The following SDK2 variants were observed in gnomAD, a reference collection of about 807,000 sequenced individuals.
SDK2 encodes the protein protein sidekick-2.
Under a neutral mutation model 253.9 loss-of-function variants are expected in SDK2, and 105 were observed. The observed-to-expected ratio is 0.41, with a 90% CI of 0.35 to 0.49. The LOEUF is 0.49. SDK2 is among the 20% of genes least tolerant of loss of function. The pLI is 0.06. For missense variants in SDK2, 2,608 were observed against 3,003.0 expected (o/e 0.87, Z 3.07); for synonymous variants, 1,249 against 1,234.9 (o/e 1.01, Z -0.24).
Position 73,337,891 on chromosome 17 carries a change from C to T in SDK2, c.*696G>A, listed in dbSNP as rs772111276. 3 of 152,352 alleles carry T rather than the reference C, an allele frequency of 2.0e-5. No individual in the cohort carries two copies. The highest frequency in any genetic ancestry group is 7.2e-5 in the African/African-American group (3 of 41,458). 9.4% of individuals were successfully genotyped at this position (152,352 alleles called of 1,614,324 possible). The stretch of plus-strand genomic sequence containing the variant: ...CAATATTTTAAAAAATATGCAGGAA[C>T]AAGGAAGGCGCTAAGCAAATTCTCA... On this transcript the variant is annotated 3_prime_UTR_variant, in exon 45 of 45. Coordinates refer to ENST00000392650, the MANE Select transcript of SDK2 (RefSeq NM_001144952.2).
intron 30 of SDK2, 78 bp downstream of exon 30, chr17:73,387,758 C>T (rs2062885017): frequency 1.5e-6 from 2 of 1,343,872 alleles, no homozygotes; most frequent in Non-Finnish European, 2.0e-6. Flanking sequence ...TCAGAAGGCC[C>T]CCTACCCAGT....
chr17:73,414,811 C>G lies in SDK2; in HGVS notation c.2369-52G>C, dbSNP rs1461737164. On this transcript the variant is annotated intron_variant, in intron 17 of 44. Coordinates refer to ENST00000392650, the MANE Select transcript of SDK2 (RefSeq NM_001144952.2). ...GGTGGAGGGGGCCCAGTCAGTCTCT[C>G]TTGCCCAGTTCAGTAGAGAAAACGC... The G allele has an allele frequency of 5.1e-6, 6 of 1,182,012 alleles. No individual in the cohort carries two copies. The Admixed American group carries it at 1.0e-4, about 20-fold the overall frequency. 73.2% of individuals were successfully genotyped at this position (1,182,012 alleles called of 1,614,324 possible). A position where few individuals can be genotyped will look rare whatever the true frequency, so the allele number is the denominator to read the frequency against.
At chr17:73,584,441 G>A (rs545839660) in intron 1 of SDK2, among the ~76,000 whole-genome samples, 2 of 152,318 alleles carry the variant, frequency 1.3e-5, no homozygotes, top group Admixed American at 6.5e-5. Context: ...CCTGATGCCC[G>A]GGTATAGGAT....
intron 1 of SDK2, among the ~76,000 whole-genome samples, chr17:73,628,800 C>T (rs781678093): frequency 1.7e-4 from 26 of 152,306 alleles, no homozygotes; most frequent in Non-Finnish European, 2.4e-4. Context: ...CTGGGGCACA[C>T]GAGAGGAAGT....
intron 21 of SDK2, among the ~76,000 whole-genome samples, chr17:73,400,809 A>G (rs1043950438): frequency 3.3e-5 from 5 of 151,918 alleles, no homozygotes; most frequent in Non-Finnish European, 5.9e-5. Context: ...ATGCACCACC[A>G]CAGCTGGCTA....
chr17:73,473,532 G>A (rs2063666631), intron 2 of SDK2, among the ~76,000 whole-genome samples: 1 of 152,204 alleles, frequency 6.6e-6, no homozygotes, highest in Non-Finnish European at 1.5e-5. Context: ...ATCTCTAGAT[G>A]TGCCAACCCT....
rs1166543723 is a variant in SDK2 at position 73,572,294 on chromosome 17, T to C, written c.65-64697A>G. The stretch of plus-strand genomic sequence containing the variant: ...TTCCCTCCCTCCCCACTTTGTCCTA[T>C]CCCCTACCTGCCGTGAGGGCTCAGT... On this transcript the variant is annotated intron_variant, in intron 1 of 44. Coordinates refer to ENST00000392650, the MANE Select transcript of SDK2 (RefSeq NM_001144952.2). Among the ~76,000 whole-genome samples the C allele has an allele frequency of 3.3e-5, 5 of 152,140 alleles. No individual in the cohort carries two copies. In the South Asian group the frequency reaches 6.2e-4, roughly 19 times the overall value.
intron 40 of SDK2, among the ~76,000 whole-genome samples, chr17:73,355,174 A>ATATATATATATATTT: frequency 2.1e-5 from 1 of 47,240 alleles, no homozygotes. Flanking sequence ...ATATATATAT[A>ATATATATATATATTT]TTTTTTTTTT....
chr17:73,504,738 A>C (rs1021633915), intron 2 of SDK2, among the ~76,000 whole-genome samples: 7 of 150,480 alleles, frequency 4.7e-5, no homozygotes, highest in Non-Finnish European at 1.0e-4. Flanking sequence ...AGTTTTCAAA[A>C]GGGGAAATAT....
Position 73,348,665 on chromosome 17 carries a change from G to GTATTTGGTGA in SDK2, c.6089_6098dup (p.Asn2034HisfsTer28), listed in dbSNP as rs2062507191. ...TGCTCTCTGCAGGGATGAGGTCGTT[G>GTATTTGGTGA]TATTTGGTGACATCCTCATCCGAGT... On this transcript the variant is annotated frameshift_variant, in exon 44 of 45. Coordinates refer to ENST00000392650, the MANE Select transcript of SDK2 (RefSeq NM_001144952.2). LOFTEE classifies it high-confidence loss of function. The GTATTTGGTGA allele has an allele frequency of 6.2e-7, 1 of 1,612,550 alleles. No individual in the cohort carries two copies. Among genetic ancestry groups the GTATTTGGTGA allele is most frequent in the African/African-American group, 1.3e-5 (1 of 74,930 alleles).
chr17:73,555,849 C>G (rs1051938784), intron 1 of SDK2, among the ~76,000 whole-genome samples: 1 of 152,214 alleles, frequency 6.6e-6, no homozygotes, highest in Non-Finnish European at 1.5e-5. Context: ...ACTCCAAACA[C>G]CTGGGGAGGT....
chr17:73,598,715 C>G (rs1035566537), intron 1 of SDK2, among the ~76,000 whole-genome samples: 3 of 152,198 alleles, frequency 2.0e-5, no homozygotes, highest in Admixed American at 6.5e-5. Context: ...AGCCCATCCC[C>G]CTCCAGGGAC....
intron 1 of SDK2, among the ~76,000 whole-genome samples, chr17:73,536,144 A>G (rs2044768674): frequency 6.6e-6 from 1 of 152,186 alleles, no homozygotes; most frequent in Non-Finnish European, 1.5e-5. Context: ...GTTAGACCAC[A>G]GAGGTGCAGG....
intron 44 of SDK2, among the ~76,000 whole-genome samples, chr17:73,347,771 C>G (rs1025662705): frequency 8.4e-6 from 1 of 118,840 alleles, no homozygotes; most frequent in Non-Finnish European, 1.9e-5. Context: ...TTGGAATACA[C>G]ACAGCCCCTT....
chr17:73,415,069 A>G (rs113009254), intron 17 of SDK2, among the ~76,000 whole-genome samples: 1,700 of 151,698 alleles, frequency 0.011, 33 homozygotes, highest in African/African-American at 0.039. Context: ...TCTACTTAAC[A>G]TGAAATTCAC....
At position 73,338,161 on chromosome 17, in the gene SDK2, AG is replaced by A; in HGVS notation, c.*425del. 3.0e-6 allele frequency: 1 copy of A among 329,008 alleles called. No homozygotes were observed. The highest frequency in any genetic ancestry group is 5.9e-6 in the Non-Finnish European group (1 of 168,450). The allele number at this position is 329,008 out of a possible 1,614,324, so 20.4% of individuals were successfully genotyped here. On this transcript the variant is annotated 3_prime_UTR_variant, in exon 45 of 45. Transcript: ENST00000392650. This position sits in a 1 kb window ranked among gnomAD's most constrained non-coding sequence, Gnocchi z 5.0. ...TGCAGAGAGCAGCGGCAGTGGGTCC[AG>A]GGGTCCTGGAGGGGCTGGAAGGGGG... is the stretch of plus-strand genomic sequence containing the variant.
chr17:73,358,723 C>CCG (rs2062614686), intron 39 of SDK2, among the ~76,000 whole-genome samples: 2 of 152,050 alleles, frequency 1.3e-5, no homozygotes, highest in African/African-American at 4.8e-5. Context: ...GATATGATGT[C>CCG]CGCCCTCCCT....
intron 1 of SDK2, among the ~76,000 whole-genome samples, chr17:73,571,362 C>T (rs2045383804): frequency 6.6e-6 from 1 of 152,144 alleles, no homozygotes; most frequent in Non-Finnish European, 1.5e-5. Flanking sequence ...AGGGCGAAGA[C>T]ACTGATATTC....
In SDK2 at chr17:73,570,645, G is replaced by C. The variant is rs2045372391; in HGVS notation, c.65-63048C>G. On this transcript the variant is annotated intron_variant, in intron 1 of 44. Transcript: ENST00000392650. This position sits in a 1 kb window ranked among gnomAD's most constrained non-coding sequence, Gnocchi z 4.2. ...CCGCCATCTCGCAGCCACCCACAAA[G>C]GGCACTGCTTTAGCTCTGTTTTACA... 6.6e-6 allele frequency among the ~76,000 whole-genome samples: 1 copy of C among 152,166 alleles called. No homozygotes were observed. Among genetic ancestry groups the C allele is most frequent in the African/African-American group, 2.4e-5 (1 of 41,440 alleles).
Sources: allele counts gnomAD v4.1 joint callset (sites outside exome capture counted in the v4.1 genomes callset), GRCh38; gene constraint gnomAD v4.1.1; non-coding constraint Gnocchi (gnomAD v3.1); transcripts MANE v1.5; gene names NCBI Gene and HGNC (gene_info 2026-07-23, HGNC 2026-07-21).